The following C2CD5 variants were observed in gnomAD, a reference collection of about 807,000 sequenced individuals.
The protein encoded by C2CD5 is C2 domain-containing protein 5.
Under a neutral mutation model 130.3 loss-of-function variants are expected in C2CD5, and 109 were observed. The ratio of observed to expected loss-of-function variants is 0.84; its 90% CI spans 0.72 to 0.98. The LOEUF is 0.98. Ranked by LOEUF, C2CD5 falls within the 50% of genes least tolerant of loss-of-function variation. The probability of loss-of-function intolerance (pLI) is 0.00; values close to 1 mark genes in which losing one functional copy is unlikely to be tolerated. For synonymous variants in C2CD5, 454 were observed against 429.2 expected, an observed-to-expected ratio of 1.06 and a Z score of -0.71; for missense variants, 996 against 1,261.8, an observed-to-expected ratio of 0.79 and a Z score of 3.19.
chr12:22,463,376 G>A (rs1385275022), intron 22 of C2CD5: 1 of 151,782 alleles, frequency 6.6e-6, no homozygotes, highest in Non-Finnish European at 1.5e-5. Context: ...TGGCAACAGA[G>A]GGAGACTCTT....
At chr12:22,469,288 T>G (rs1313072043) in intron 22 of C2CD5, among the ~76,000 whole-genome samples, 3 of 151,914 alleles carry the variant, frequency 2.0e-5, no homozygotes, top group African/African-American at 7.3e-5. Context: ...ACTCAAAACC[T>G]CTTCATGTAT....
intron 3 of C2CD5, among the ~76,000 whole-genome samples, chr12:22,532,744 T>C (rs1156511703): frequency 6.6e-6 from 1 of 152,178 alleles, no homozygotes; most frequent in Non-Finnish European, 1.5e-5. Context: ...TTCAAGCAAA[T>C]CAATACTTTC....
rs1218782442 is a variant in C2CD5, at chr12:22,493,281, G to A, written c.1204C>T (p.His402Tyr). ...WAEIRQEIKS[H>Y]AKALGCHAVV... ...GCATGACAGCCTAATGCTTTAGCAT[G>A]TGATTTTATTTCTTGTCTGATTTCT... The change falls in exon 11 of 27, where the codon CAT becomes TAT. Residue 402 changes from histidine to tyrosine, a missense_variant. Physicochemically the swap from His to Tyr is moderately conservative, Grantham distance 83. Coordinates refer to ENST00000446597, the MANE Select transcript of C2CD5 (RefSeq NM_001286176.2). The A allele has an allele frequency of 6.2e-7, 1 of 1,612,062 alleles. No individual in the cohort carries two copies. Among genetic ancestry groups the A allele is most frequent in the Non-Finnish European group, 8.5e-7 (1 of 1,178,926 alleles).
At chr12:22,523,791 A>G (rs1232947472) in intron 6 of C2CD5, among the ~76,000 whole-genome samples, 167 bp from the exon 7 acceptor site, 1 of 151,506 alleles carries the variant, frequency 6.6e-6, no homozygotes, top group African/African-American at 2.4e-5. Flanking sequence ...CAGAATACAG[A>G]ACATAATTCT....
intron 12 of C2CD5, among the ~76,000 whole-genome samples, chr12:22,488,580 A>C (rs1450841405): frequency 6.6e-6 from 1 of 152,156 alleles, no homozygotes; most frequent in Admixed American, 6.6e-5. Flanking sequence ...CTATCAACTT[A>C]AGAATGAAAT....
chr12:22,518,253 G>A (rs546641570), intron 7 of C2CD5, 116 bp from the exon 8 acceptor site: 49 of 943,862 alleles, frequency 5.2e-5, no homozygotes, highest in Non-Finnish European at 7.0e-5. Context: ...CATTTCTTAC[G>A]TGTGGAGCTG....
chr12:22,475,575 G>C (rs552963853), intron 15 of C2CD5, among the ~76,000 whole-genome samples: 14 of 152,198 alleles, frequency 9.2e-5, no homozygotes, highest in Admixed American at 8.5e-4. Context: ...ATGAATACGT[G>C]AACGCAAAAG....
At chr12:22,508,536 T>G (rs1281950933) in intron 9 of C2CD5, among the ~76,000 whole-genome samples, 1 of 152,158 alleles carries the variant, frequency 6.6e-6, no homozygotes, top group Non-Finnish European at 1.5e-5. Flanking sequence ...ATTAGGAAAT[T>G]TGAATGTAAA....
intron 15 of C2CD5, chr12:22,477,973 C>T (rs1944098990): frequency 4.6e-6 from 1 of 217,234 alleles, no homozygotes; most frequent in Admixed American, 5.2e-5. Flanking sequence ...TTCATTCTAC[C>T]AGTACTAACA....
At position 22,493,217 on chromosome 12, in the gene C2CD5, A is replaced by G. The variant is rs960556249; in HGVS notation, c.1262+6T>C. The G allele has an allele frequency of 2.7e-6, 4 of 1,481,348 alleles. No individual in the cohort carries two copies. In the African/African-American group the frequency reaches 5.6e-5, roughly 21 times the overall value. 91.8% of individuals were successfully genotyped at this position (1,481,348 alleles called of 1,614,324 possible). On this transcript the variant is annotated splice_donor_region_variant and intron_variant, in intron 11 of 26. Transcript: ENST00000446597. ...TCTGGAAAATCAAGTTGTTATTATC[A>G]TTTACCAGATGCTAGTTGATTCACT...
intron 26 of C2CD5, among the ~76,000 whole-genome samples, chr12:22,452,599 T>C (rs1309238488): frequency 1.3e-5 from 2 of 152,178 alleles, no homozygotes; most frequent in Non-Finnish European, 2.9e-5. Context: ...ATTGCCAAAA[T>C]TTATCAGAAG....
In C2CD5 at chr12:22,471,297, C is replaced by G. The variant is rs1047491133; in HGVS notation, c.2358+102G>C. ...ATATTTTTTAATATTGTGAGGTAAA[C>G]TAGTATATGTTTATTTAATTACGGC... On this transcript the variant is annotated intron_variant, in intron 20 of 26. Coordinates refer to ENST00000446597, the MANE Select transcript of C2CD5 (RefSeq NM_001286176.2). 5 of 671,472 alleles carry G rather than the reference C, an allele frequency of 7.4e-6. No individual in the cohort carries two copies. In the African/African-American group the frequency reaches 9.1e-5, roughly 12 times the overall value. The allele number at this position is 671,472 out of a possible 1,614,324, so 41.6% of individuals were successfully genotyped here. A position where few individuals can be genotyped will look rare whatever the true frequency, so the allele number is the denominator to read the frequency against.
chr12:22,498,733 C>T (rs186507084), intron 10 of C2CD5, among the ~76,000 whole-genome samples: 2 of 151,842 alleles, frequency 1.3e-5, no homozygotes, highest in Admixed American at 1.3e-4. Context: ...GTTTAAAAAC[C>T]CTTTTAAAAA....
intron 13 of C2CD5, among the ~76,000 whole-genome samples, chr12:22,483,791 GGATA>G (rs2136323807): frequency 6.6e-6 from 1 of 152,184 alleles, no homozygotes; most frequent in East Asian, 1.9e-4. Flanking sequence ...ATGAAGAACT[GGATA>G]GAGAAAGGTA....
intron 7 of C2CD5, among the ~76,000 whole-genome samples, chr12:22,519,798 T>C (rs1950106240): frequency 6.6e-6 from 1 of 152,084 alleles, no homozygotes; most frequent in South Asian, 2.1e-4. Flanking sequence ...ACTGATTGGA[T>C]ATACGCAGAT....
chr12:22,454,554 T>C (rs1316011385), intron 25 of C2CD5, among the ~76,000 whole-genome samples: 1 of 144,230 alleles, frequency 6.9e-6, no homozygotes, highest in Non-Finnish European at 1.5e-5. Context: ...CACATGTTGC[T>C]CCTGCAGACT....
At chr12:22,505,959 C>T (rs78185501) in intron 10 of C2CD5, among the ~76,000 whole-genome samples, 2,779 of 152,214 alleles carry the variant, frequency 0.018, 84 homozygotes, top group African/African-American at 0.063. Flanking sequence ...GGAATCCCAG[C>T]ACAGTGCTGG....
intron 22 of C2CD5, among the ~76,000 whole-genome samples, chr12:22,469,242 C>G (rs1677418796): frequency 6.6e-6 from 1 of 152,044 alleles, no homozygotes; most frequent in African/African-American, 2.4e-5. Context: ...ACAGCAAAGA[C>G]AGGAAGCTCA....
intron 10 of C2CD5, among the ~76,000 whole-genome samples, chr12:22,503,157 T>C (rs900607514): frequency 6.6e-6 from 1 of 152,174 alleles, no homozygotes; most frequent in Non-Finnish European, 1.5e-5. Flanking sequence ...TAAAATAAGA[T>C]TTTTTCCCTT....
Sources: gnomAD v4.1 joint callset for allele counts (sites outside exome capture counted in the v4.1 genomes callset) on GRCh38, gnomAD v4.1.1 for gene constraint, MANE v1.5 for transcripts, NCBI Gene and HGNC (gene_info 2026-07-23, HGNC 2026-07-21) for gene names.